DCHS2: variants seen among roughly 807,000 people sequenced by gnomAD.
DCHS2 encodes the protein dachsous cadherin-related 2.
DCHS2 carries 142 observed loss-of-function variants against 182.4 expected under a neutral mutation model. The ratio of observed to expected loss-of-function variants is 0.78; its 90% confidence interval spans 0.68 to 0.89. DCHS2 has a LOEUF of 0.89. Among genes scored for constraint, DCHS2 ranks in the 40% least tolerant of loss-of-function variants. The pLI is 0.00. For synonymous variants in DCHS2, 1,740 were observed against 1,663.3 expected, an observed-to-expected ratio of 1.05 and a Z score of -1.12; for missense variants, 4,319 against 4,198.6, an observed-to-expected ratio of 1.03 and a Z score of -0.79.
At chr4:154,359,949 A>T (rs1730041093) in intron 3 of DCHS2, among the ~76,000 whole-genome samples, 1 of 152,044 alleles carries the variant, frequency 6.6e-6, no homozygotes, top group Non-Finnish European at 1.5e-5. Context: ...GAATCAGTAG[A>T]ACCTATATTT....
At chr4:154,395,724 T>G (rs1407729032) in intron 1 of DCHS2, among the ~76,000 whole-genome samples, 1 of 152,178 alleles carries the variant, frequency 6.6e-6, no homozygotes, top group Non-Finnish European at 1.5e-5. Context: ...TATAAGACTA[T>G]TATATAAAAC....
In DCHS2 at chr4:154,368,950, T is replaced by C. The variant is rs1011873919; in HGVS notation, c.2245-2509A>G. 2.0e-5 allele frequency among the ~76,000 whole-genome samples: 3 copies of C among 152,226 alleles called. No homozygotes were observed. In the East Asian group the frequency reaches 5.8e-4, roughly 29 times the overall value. ...TTAAGTGCTAAAGAGGACAGATTTA[T>C]TCTACTCCATCAGTATAAAATGTGG... On this transcript the variant is annotated intron_variant, in intron 2 of 19. Transcript: ENST00000357232.
At chr4:154,481,787 T>C (rs148387931) in intron 1 of DCHS2, among the ~76,000 whole-genome samples, 231 of 152,356 alleles carry the variant, frequency 1.5e-3, no homozygotes, top group Middle Eastern at 6.8e-3. Flanking sequence ...AGGAATTTAC[T>C]TGAGGTTAAG....
At chr4:154,282,811 A>C (rs1734211515) in intron 13 of DCHS2, among the ~76,000 whole-genome samples, 1 of 152,160 alleles carries the variant, frequency 6.6e-6, no homozygotes, top group Admixed American at 6.5e-5. Flanking sequence ...GATAGCCAAA[A>C]CGTAGTATAT....
intron 1 of DCHS2, among the ~76,000 whole-genome samples, chr4:154,445,945 A>G (rs1734269169): frequency 6.6e-6 from 1 of 152,206 alleles, no homozygotes; most frequent in African/African-American, 2.4e-5. Context: ...CCCCTGAAAA[A>G]TGACTTCAAA....
At chr4:154,480,086 C>T (rs1243538001) in intron 1 of DCHS2, among the ~76,000 whole-genome samples, 2 of 152,152 alleles carry the variant, frequency 1.3e-5, no homozygotes, top group African/African-American at 4.8e-5. Flanking sequence ...TACCTCATAA[C>T]TTGGTTCTTG....
chr4:154,241,944 C>T lies in DCHS2; in HGVS notation c.7072+698G>A, dbSNP rs116948119. On this transcript the variant is annotated intron_variant, in intron 17 of 19. Coordinates refer to ENST00000357232, the MANE Select transcript of DCHS2 (RefSeq NM_001358235.2). ...AGTGAACATAATAAAATGTTAGAAACATTTTAGGAATTAATGTCGTATTAC... is the reference window on the plus strand; with the variant it reads ...AGTGAACATAATAAAATGTTAGAAATATTTTAGGAATTAATGTCGTATTAC... 8.9e-4 allele frequency among the ~76,000 whole-genome samples: 135 copies of T among 152,140 alleles called. 2 individuals are homozygous for T. In the East Asian group the frequency reaches 0.019, roughly 21 times the overall value.
intron 1 of DCHS2, among the ~76,000 whole-genome samples, chr4:154,471,323 A>G (rs4696580): frequency 1.3e-5 from 2 of 151,956 alleles, no homozygotes; most frequent in South Asian, 2.1e-4. Context: ...TGTGTTATTT[A>G]TTGCAGCATA....
At chr4:154,386,204 A>G (rs1561082948) in intron 1 of DCHS2, among the ~76,000 whole-genome samples, 1 of 152,128 alleles carries the variant, frequency 6.6e-6, no homozygotes, top group Admixed American at 6.5e-5. Flanking sequence ...ATCCTACCCA[A>G]CATAATCCAA....
At chr4:154,408,276 A>G (rs2110886163) in intron 1 of DCHS2, among the ~76,000 whole-genome samples, 1 of 152,340 alleles carries the variant, frequency 6.6e-6, no homozygotes, top group South Asian at 2.1e-4. Flanking sequence ...TTGTCACTCA[A>G]TGATTACTCT....
At chr4:154,416,657 C>A (rs1254499263) in intron 1 of DCHS2, among the ~76,000 whole-genome samples, 1 of 152,128 alleles carries the variant, frequency 6.6e-6, no homozygotes, top group African/African-American at 2.4e-5. Context: ...CCTAAGCAAC[C>A]AACTTGGTAC....
chr4:154,245,463 T>G (rs981025467), intron 16 of DCHS2, among the ~76,000 whole-genome samples: 4 of 152,160 alleles, frequency 2.6e-5, no homozygotes, highest in African/African-American at 9.7e-5. Context: ...TTGATTGTCT[T>G]AACAAGTACT....
intron 1 of DCHS2, among the ~76,000 whole-genome samples, chr4:154,475,034 G>A (rs1735629558): frequency 6.6e-6 from 1 of 151,918 alleles, no homozygotes; most frequent in African/African-American, 2.4e-5. Flanking sequence ...TATTATTTCT[G>A]ATAATCTAAT....
At chr4:154,443,162 C>T (rs1202788714) in intron 1 of DCHS2, among the ~76,000 whole-genome samples, 1 of 152,082 alleles carries the variant, frequency 6.6e-6, no homozygotes, top group African/African-American at 2.4e-5. Context: ...CCCCCATGCC[C>T]AAACCCTTAC....
At position 154,242,629 on chromosome 4, in the gene DCHS2, T is replaced by C. The variant is rs769805627; in HGVS notation, c.7072+13A>G. ...AGTTAATCAAAACCACTATGCCAAA[T>C]TGTCACACTTACCTTCTGTAATTTC... On this transcript the variant is annotated intron_variant, in intron 17 of 19. Coordinates refer to ENST00000357232, the MANE Select transcript of DCHS2 (RefSeq NM_001358235.2). 5 of 1,604,058 alleles carry C rather than the reference T, an allele frequency of 3.1e-6. No individual in the cohort carries two copies. Among genetic ancestry groups the C allele is most frequent in the Middle Eastern group, 1.7e-4 (1 of 5,990 alleles).
At chr4:154,406,686 T>A (rs138288539) in intron 1 of DCHS2, among the ~76,000 whole-genome samples, 124 of 152,360 alleles carry the variant, frequency 8.1e-4, no homozygotes, top group African/African-American at 2.9e-3. Flanking sequence ...CACAGTTTTC[T>A]CTCAGAGGAC....
intron 5 of DCHS2, 146 bp downstream of exon 5, chr4:154,332,332 A>G: frequency 1.7e-6 from 1 of 588,016 alleles, no homozygotes; most frequent in South Asian, 2.9e-5. Flanking sequence ...TTTCAATTGC[A>G]TGTATGCACT....
At chr4:154,278,985 G>T (rs563872000) in intron 13 of DCHS2, among the ~76,000 whole-genome samples, 134 of 152,048 alleles carry the variant, frequency 8.8e-4, no homozygotes, top group African/African-American at 3.0e-3. Context: ...CAATAGTGAT[G>T]AAAAAATCAC....
rs1349078967 is a variant in DCHS2, at chr4:154,491,584, C to T, written c.-229G>A. 21 of 1,345,756 alleles carry T rather than the reference C, an allele frequency of 1.6e-5. No individual in the cohort carries two copies. Among genetic ancestry groups the T allele is most frequent in the South Asian group, 2.2e-5 (1 of 44,812 alleles). The allele number at this position is 1,345,756 out of a possible 1,614,324, so 83.4% of individuals were successfully genotyped here. On this transcript the variant is annotated 5_prime_UTR_variant, in exon 1 of 20. Transcript: ENST00000357232. ...TAAGCTCTAGCTGCCTCTGCCGCGG[C>T]AGCCACCTCTTCTGCCCCTGGATTT...
Sources: allele counts gnomAD v4.1 joint callset (sites outside exome capture counted in the v4.1 genomes callset), GRCh38; gene constraint gnomAD v4.1.1; transcripts MANE v1.5; gene names NCBI Gene and HGNC (gene_info 2026-07-23, HGNC 2026-07-21).